The following ANKRD26 variants were observed in gnomAD, a reference collection of about 807,000 sequenced individuals.
The protein encoded by ANKRD26 is ankyrin repeat domain-containing protein 26.
Under a neutral mutation model 208.7 loss-of-function variants are expected in ANKRD26, and 141 were observed. The ratio of observed to expected loss-of-function variants is 0.68; its 90% CI spans 0.59 to 0.78. The LOEUF is 0.78. Among genes scored for constraint, ANKRD26 ranks in the 30% least tolerant of loss-of-function variants. The pLI, the probability that ANKRD26 is intolerant of heterozygous loss-of-function variation, is 0.00. For synonymous variants in ANKRD26, 636 were observed against 660.4 expected, an observed-to-expected ratio of 0.96 and a Z score of 0.57; for missense variants, 1,889 against 1,938.7, an observed-to-expected ratio of 0.97 and a Z score of 0.48.
At chr10:27,056,874 C>T (rs572311322) in intron 15 of ANKRD26, among the ~76,000 whole-genome samples, 2 of 152,254 alleles carry the variant, frequency 1.3e-5, no homozygotes, top group East Asian at 3.9e-4. Flanking sequence ...GTGTTACCTT[C>T]TTTGCTTTTT....
chr10:26,980,267 C>G (rs977213887), intron 5 of ANKRD26, among the ~76,000 whole-genome samples: 2 of 152,226 alleles, frequency 1.3e-5, no homozygotes, highest in Admixed American at 6.5e-5. Flanking sequence ...GTGGCTCATG[C>G]CTTGGCATCT....
exon 6 of ANKRD26, among the ~76,000 whole-genome samples, chr10:26,975,024 T>C (rs2052204134): frequency 6.6e-6 from 1 of 152,218 alleles, no homozygotes; most frequent in Non-Finnish European, 1.5e-5. Flanking sequence ...CTTGTATCAC[T>C]AGATTCTAAT....
In ANKRD26 at chr10:27,014,482, A is replaced by AT; in HGVS notation, c.4724+11dup. On this transcript the variant is annotated intron_variant, in intron 31 of 33. Coordinates refer to ENST00000376087, the MANE Select transcript of ANKRD26 (RefSeq NM_014915.3). ...CTTAATTTATTTCCTATGATTCTAT[A>AT]TTTTGACTTACTTGGTTAGTTTACT... 6.6e-7 allele frequency: 1 copy of AT among 1,520,088 alleles called. No individual in the cohort carries two copies. Among genetic ancestry groups the AT allele is most frequent in the Non-Finnish European group, 9.1e-7 (1 of 1,101,148 alleles). 94.2% of individuals were successfully genotyped at this position (1,520,088 alleles called of 1,614,324 possible).
chr10:26,974,868 T>C (rs763666480), exon 6 of ANKRD26, among the ~76,000 whole-genome samples: 45 of 152,242 alleles, frequency 3.0e-4, no homozygotes, highest in Admixed American at 9.2e-4. Flanking sequence ...TTTAGAAAAG[T>C]GCTATCAGTT....
chr10:27,016,897 A>T (rs1358230973), intron 30 of ANKRD26, among the ~76,000 whole-genome samples: 1 of 152,166 alleles, frequency 6.6e-6, no homozygotes, highest in Non-Finnish European at 1.5e-5. Flanking sequence ...GAAGTTTAAA[A>T]TATTTATCAG....
rs370486658 is a variant in ANKRD26 at position 27,043,462 on chromosome 10, T to A, written c.2125A>T (p.Met709Leu). The change falls in exon 20 of 34, where the codon ATG becomes TTG. Residue 709 changes from methionine to leucine, a missense_variant. Coordinates refer to ENST00000376087, the MANE Select transcript of ANKRD26 (RefSeq NM_014915.3). Reference sequence around the variant, plus strand: ...ATTCCAAGTTGTTCAATGAGCAACATAAAATTCTTGTAACTAGAGTGGGGT... The same window carrying A: ...ATTCCAAGTTGTTCAATGAGCAACAAAAAATTCTTGTAACTAGAGTGGGGT... ...ELPHSSYKNF[M>L]LLIEQLGMEC... 5.0e-6 allele frequency: 8 copies of A among 1,614,076 alleles called. No individual in the cohort carries two copies. Among genetic ancestry groups the A allele is most frequent in the East Asian group, 2.2e-5 (1 of 44,852 alleles).
At position 27,028,955 on chromosome 10, in the gene ANKRD26, A is replaced by G. The variant is rs1473729574; in HGVS notation, c.3879-10T>C. 2.5e-6 allele frequency: 4 copies of G among 1,579,700 alleles called. No homozygotes were observed. The highest frequency in any genetic ancestry group is 2.3e-5 in the South Asian group (2 of 87,498). On this transcript the variant is annotated splice_polypyrimidine_tract_variant and intron_variant, in intron 26 of 33. Transcript: ENST00000376087. ...ATTATCTTTTTCAAGCCTGAAATGT[A>G]TATTTTAAAATAATTATTCTCACAG...
At chr10:27,051,366 T>C in intron 16 of ANKRD26, 1 of 1,239,630 alleles carries the variant, frequency 8.1e-7, no homozygotes, top group Non-Finnish European at 1.0e-6. Flanking sequence ...ATGATTCATT[T>C]CTTTGGAGCA....
chr10:27,024,984 G>T lies in ANKRD26; in HGVS notation c.3973-425C>A, dbSNP rs370187050. On this transcript the variant is annotated intron_variant, in intron 27 of 33. Transcript: ENST00000376087. ...CCCGTTACATTTTTTATACTCACCT[G>T]ACTTCAAGATGAGCTATCTCTCATT... Among the ~76,000 whole-genome samples, 4 of 152,238 alleles carry T rather than the reference G, an allele frequency of 2.6e-5. 1 individual carries two copies. Among genetic ancestry groups the T allele is most frequent in the African/African-American group, 9.6e-5 (4 of 41,542 alleles).
intron 15 of ANKRD26, among the ~76,000 whole-genome samples, chr10:27,053,819 TTA>T (rs1368413501): frequency 6.6e-6 from 1 of 152,202 alleles, no homozygotes; most frequent in Non-Finnish European, 1.5e-5. Flanking sequence ...AAACAAAATT[TTA>T]TGATACAGTA....
chr10:27,078,389 C>T (rs1589348662), intron 7 of ANKRD26, among the ~76,000 whole-genome samples: 1 of 151,950 alleles, frequency 6.6e-6, no homozygotes, highest in East Asian at 1.9e-4. Flanking sequence ...GAAATGTATT[C>T]TGCAAGGAAA....
rs573624554 is a variant in ANKRD26 at position 27,051,086 on chromosome 10, C to T, written c.1636-2107G>A. 2.4e-6 allele frequency: 3 copies of T among 1,262,808 alleles called. No homozygotes were observed. The Admixed American group carries it at 8.0e-5, about 34-fold the overall frequency. 78.2% of individuals were successfully genotyped at this position (1,262,808 alleles called of 1,614,324 possible). A position where few individuals can be genotyped will look rare whatever the true frequency, so the allele number is the denominator to read the frequency against. Reference sequence around the variant, plus strand: ...CTTTTTGAAGTTGGACTTTTTCTTTCTCCAAAGCCTGGAACTCTACTTTTA... The same window carrying T: ...CTTTTTGAAGTTGGACTTTTTCTTTTTCCAAAGCCTGGAACTCTACTTTTA... On this transcript the variant is annotated intron_variant, in intron 16 of 33. Transcript: ENST00000376087.
intron 9 of ANKRD26, among the ~76,000 whole-genome samples, chr10:27,070,391 C>T (rs2055438290): frequency 6.6e-6 from 1 of 152,134 alleles, no homozygotes; most frequent in South Asian, 2.1e-4. Context: ...CAGAGCAAGA[C>T]TCCGTCTCAA....
chr10:27,021,454 A>G (rs1325278291), intron 29 of ANKRD26, among the ~76,000 whole-genome samples: 4 of 152,080 alleles, frequency 2.6e-5, no homozygotes, highest in Non-Finnish European at 5.9e-5. Context: ...GGCATTTGTT[A>G]TTTTTTGTCT....
At position 27,100,234 on chromosome 10, in the gene ANKRD26, C is replaced by G. The variant is rs746535031; in HGVS notation, c.93G>C (p.Gly31=). The part of the protein sequence containing the change: ...RSSAGGGGEP[G]EGAYSQPGYH... ...AGCCGGGCTGCGAGTAGGCGCCCTC[C>G]CCCGGCTCGCCCCCGCCTCCCGCGC... Residue 31 remains glycine (G), a synonymous_variant, in exon 1 of 34, where the codon GGG becomes GGC. Coordinates refer to ENST00000376087, the MANE Select transcript of ANKRD26 (RefSeq NM_014915.3). 3.7e-6 allele frequency: 6 copies of G among 1,612,302 alleles called. No homozygotes were observed. The highest frequency in any genetic ancestry group is 1.7e-5 in the Admixed American group (1 of 60,018).
intron 28 of ANKRD26, among the ~76,000 whole-genome samples, chr10:27,023,132 C>G (rs1219277511): frequency 6.6e-6 from 1 of 152,114 alleles, no homozygotes; most frequent in Non-Finnish European, 1.5e-5. Context: ...AGTTCAAGAC[C>G]AGCCTGGCCA....
At position 27,093,804 on chromosome 10, in the gene ANKRD26, G is replaced by A. The variant is rs1393397420; in HGVS notation, c.243-5C>T. ...CAGGCCAAATGTAGAGCCGTCCTAT[G>A]AGAGTGACAGGACTTTTTATAAACT... On this transcript the variant is annotated splice_region_variant and splice_polypyrimidine_tract_variant and intron_variant, in intron 1 of 33. Coordinates refer to ENST00000376087, the MANE Select transcript of ANKRD26 (RefSeq NM_014915.3). The A allele has an allele frequency of 6.2e-7, 1 of 1,604,026 alleles. No homozygotes were observed.
intron 26 of ANKRD26, 113 bp downstream of exon 26, chr10:27,029,173 T>C: frequency 7.6e-7 from 1 of 1,317,398 alleles, no homozygotes; most frequent in Non-Finnish European, 1.1e-6. Context: ...CTGAAATTTT[T>C]CCTTGACTTC....
intron 15 of ANKRD26, 123 bp downstream of exon 15, chr10:27,060,208 AAAAAAAATTTTTTT>A: frequency 1.2e-6 from 1 of 843,986 alleles, no homozygotes; most frequent in South Asian, 1.6e-5. Flanking sequence ...GTCTCAATTA[AAAAAAAATTTTTTT>A]AAATCCTTCC....
Sources: allele counts gnomAD v4.1 joint callset (sites outside exome capture counted in the v4.1 genomes callset), GRCh38; gene constraint gnomAD v4.1.1; transcripts MANE v1.5; gene names NCBI Gene and HGNC (gene_info 2026-07-23, HGNC 2026-07-21).